The following MACROD2 variants were observed in gnomAD, a reference collection of about 807,000 sequenced individuals.
The protein encoded by MACROD2 is ADP-ribose glycohydrolase MACROD2.
Under a neutral mutation model 70.4 loss-of-function variants are expected in MACROD2, and 36 were observed. The ratio of observed to expected loss-of-function variants is 0.51; its 90% confidence interval spans 0.39 to 0.68. The LOEUF (loss-of-function observed/expected upper bound fraction) is 0.68. MACROD2 is among the 30% of genes least tolerant of loss of function. The probability of loss-of-function intolerance (pLI) is 0.00; values close to 1 mark genes in which losing one functional copy is unlikely to be tolerated. For missense variants in MACROD2, 496 were observed against 538.4 expected (o/e 0.92, Z 0.78); for synonymous variants, 172 against 178.8 (o/e 0.96, Z 0.30).
intron 10 of MACROD2, among the ~76,000 whole-genome samples, chr20:15,904,198 T>G (rs957756305): frequency 6.6e-6 from 1 of 152,168 alleles, no homozygotes. Context: ...TTGTTTGTTT[T>G]TTTAGAGACA....
At chr20:15,350,499 C>T (rs1022920239) in intron 6 of MACROD2, among the ~76,000 whole-genome samples, 1 of 152,256 alleles carries the variant, frequency 6.6e-6, no homozygotes, top group South Asian at 2.1e-4. Context: ...TTCCCATAAC[C>T]TTTAATCACA....
intron 4 of MACROD2, among the ~76,000 whole-genome samples, chr20:14,562,219 G>T (rs574942839): frequency 6.6e-6 from 1 of 151,706 alleles, no homozygotes; most frequent in African/African-American, 2.4e-5. Flanking sequence ...TCATGATCTC[G>T]TCTACATGGA....
chr20:14,222,813 G>GAA (rs199573606), intron 3 of MACROD2, among the ~76,000 whole-genome samples: 1 of 132,948 alleles, frequency 7.5e-6, no homozygotes, highest in African/African-American at 2.9e-5. Flanking sequence ...TTGGATTTCT[G>GAA]AAAAAAAAAA....
intron 4 of MACROD2, among the ~76,000 whole-genome samples, chr20:14,648,499 A>G (rs1215740155): frequency 6.6e-6 from 1 of 152,178 alleles, no homozygotes. Flanking sequence ...ACTAGGGAGG[A>G]TCAAAATGTT....
At chr20:15,213,701 G>T (rs2145951813) in intron 5 of MACROD2, among the ~76,000 whole-genome samples, 1 of 152,234 alleles carries the variant, frequency 6.6e-6, no homozygotes, top group Middle Eastern at 3.4e-3. Flanking sequence ...GCAAGAGCAG[G>T]TCATAGGAAA....
At chr20:14,494,175 G>A (rs1041214993) in intron 4 of MACROD2, 4 of 151,946 alleles carry the variant, frequency 2.6e-5, no homozygotes, top group Admixed American at 6.6e-5. Flanking sequence ...TAATATAGTA[G>A]GAGAGAAAAA....
intron 8 of MACROD2, among the ~76,000 whole-genome samples, chr20:15,861,976 G>A (rs1217750906): frequency 6.6e-6 from 1 of 152,162 alleles, no homozygotes; most frequent in Non-Finnish European, 1.5e-5. Flanking sequence ...TTAAGTCACT[G>A]ATTTAATCAG....
chr20:15,443,263 G>A (rs1180509294), intron 7 of MACROD2, among the ~76,000 whole-genome samples: 1 of 151,964 alleles, frequency 6.6e-6, no homozygotes, highest in Non-Finnish European at 1.5e-5. Flanking sequence ...GGGGAAATGT[G>A]AGTTTAGGGC....
intron 5 of MACROD2, among the ~76,000 whole-genome samples, chr20:14,855,645 T>TTCTTATC (rs2073247880): frequency 1.5e-5 from 2 of 136,842 alleles, no homozygotes; most frequent in Non-Finnish European, 3.1e-5. Context: ...CACAGCTCAA[T>TTCTTATC]TCTTATCTCT....
intron 2 of MACROD2, among the ~76,000 whole-genome samples, chr20:14,034,753 A>G (rs941688918): frequency 3.9e-5 from 6 of 152,208 alleles, no homozygotes; most frequent in Non-Finnish European, 7.4e-5. Context: ...AGTGGGTTGC[A>G]TATTCATTTA....
chr20:15,814,895 A>C (rs73097252), intron 8 of MACROD2, among the ~76,000 whole-genome samples: 1 of 152,348 alleles, frequency 6.6e-6, no homozygotes, highest in Non-Finnish European at 1.5e-5. Context: ...TATCAGATGA[A>C]GTGTGATGAT....
chr20:14,577,626 T>TAAAAA (rs1186813984), intron 4 of MACROD2, among the ~76,000 whole-genome samples: 1 of 151,488 alleles, frequency 6.6e-6, no homozygotes, highest in Non-Finnish European at 1.5e-5. Context: ...AAAAATAAAA[T>TAAAAA]AAAAAATTAG....
intron 3 of MACROD2, among the ~76,000 whole-genome samples, chr20:14,252,145 G>A (rs956542160): frequency 2.6e-5 from 4 of 152,084 alleles, no homozygotes; most frequent in African/African-American, 9.6e-5. Flanking sequence ...AGAAATGGAG[G>A]AAGAAATCTA....
rs2047274711 is a variant in MACROD2, at chr20:15,494,768, TGTGTGTGTGC to T, written c.572-5004_572-4995del. 4.8e-5 allele frequency among the ~76,000 whole-genome samples: 6 copies of T among 126,106 alleles called. No homozygotes were observed. The South Asian group carries it at 1.7e-3, about 36-fold the overall frequency. 82.7% of individuals were successfully genotyped at this position (126,106 alleles called of 152,430 possible). ...GTGTGTGTGTGTGTGTGTGTGCGCG[TGTGTGTGTGC>T]GCGCGTGTGTGCAGTATATAAAATA... On this transcript the variant is annotated intron_variant, in intron 7 of 17. Transcript: ENST00000684519.
At chr20:14,608,323 A>G (rs1982943431) in intron 4 of MACROD2, among the ~76,000 whole-genome samples, 1 of 152,110 alleles carries the variant, frequency 6.6e-6, no homozygotes, top group Non-Finnish European at 1.5e-5. Flanking sequence ...GTTTCCCCCT[A>G]CAACTACTGT....
intron 4 of MACROD2, among the ~76,000 whole-genome samples, chr20:14,502,645 T>G (rs1600310323): frequency 1.3e-5 from 2 of 152,186 alleles, no homozygotes; most frequent in East Asian, 3.9e-4. Flanking sequence ...ATTATTAATA[T>G]TATAGTGCAA....
intron 8 of MACROD2, among the ~76,000 whole-genome samples, chr20:15,531,133 G>A (rs2146546948): frequency 6.6e-6 from 1 of 151,362 alleles, no homozygotes; most frequent in South Asian, 2.1e-4. Context: ...ATGTTAAAAT[G>A]AAATCGATAA....
In MACROD2 at chr20:15,520,119, A is replaced by C. The variant is rs527371317; in HGVS notation, c.645+20272A>C. Among the ~76,000 whole-genome samples the C allele has an allele frequency of 3.3e-5, 5 of 152,344 alleles. No individual in the cohort carries two copies. The South Asian group carries it at 6.2e-4, about 19-fold the overall frequency. The stretch of plus-strand genomic sequence containing the variant: ...AAAACTTATAATAGAAAAATGATTA[A>C]TGATGAAAATAGGTAAATGTTTCTT... On this transcript the variant is annotated intron_variant, in intron 8 of 17. Transcript: ENST00000684519.
At chr20:14,951,107 T>G (rs900144241) in intron 5 of MACROD2, among the ~76,000 whole-genome samples, 1 of 151,976 alleles carries the variant, frequency 6.6e-6, no homozygotes, top group Non-Finnish European at 1.5e-5. Context: ...CTTGAGGAAA[T>G]GGATTGGGGG....
Sources: gnomAD v4.1 joint callset for allele counts (sites outside exome capture counted in the v4.1 genomes callset) on GRCh38, gnomAD v4.1.1 for gene constraint, MANE v1.5 for transcripts, NCBI Gene and HGNC (gene_info 2026-07-23, HGNC 2026-07-21) for gene names.